The following AFAP1 variants were observed in gnomAD, a reference collection of about 807,000 sequenced individuals.
AFAP1 encodes actin filament-associated protein 1.
AFAP1 carries 75 observed loss-of-function variants against 93.9 expected under a neutral mutation model. The ratio of observed to expected loss-of-function variants is 0.80; its 90% CI spans 0.66 to 0.97. The LOEUF is 0.97. Among genes scored for constraint, AFAP1 ranks in the 50% least tolerant of loss-of-function variants. AFAP1 has a pLI of 0.00. For synonymous variants in AFAP1, 517 were observed against 430.7 expected, an observed-to-expected ratio of 1.20 and a Z score of -2.48; for missense variants, 1,201 against 1,050.8, an observed-to-expected ratio of 1.14 and a Z score of -1.98.
At chr4:7,901,022 C>T (rs192530847) in intron 1 of AFAP1, among the ~76,000 whole-genome samples, 37 of 152,280 alleles carry the variant, frequency 2.4e-4, no homozygotes, top group African/African-American at 6.7e-4. Flanking sequence ...GCGATTCCAG[C>T]GCAGATTTTA....
chr4:7,910,657 C>A (rs923041182), intron 1 of AFAP1, among the ~76,000 whole-genome samples: 3 of 152,238 alleles, frequency 2.0e-5, no homozygotes, highest in Non-Finnish European at 4.4e-5. Flanking sequence ...CCCGTTCACC[C>A]GTGCCACGAG....
chr4:7,840,147 T>C (rs573724170), intron 5 of AFAP1, among the ~76,000 whole-genome samples: 225 of 152,176 alleles, frequency 1.5e-3, no homozygotes, highest in South Asian at 8.5e-3. Context: ...CCAGCCCCAA[T>C]TGTGCACGTG....
chr4:7,915,396 G>T (rs1720033776), intron 1 of AFAP1, among the ~76,000 whole-genome samples: 1 of 151,892 alleles, frequency 6.6e-6, no homozygotes, highest in Non-Finnish European at 1.5e-5. Context: ...ACTCCAACCT[G>T]TAAGCCCAGG....
At chr4:7,805,032 G>A (rs898570606) in intron 9 of AFAP1, among the ~76,000 whole-genome samples, 2 of 152,128 alleles carry the variant, frequency 1.3e-5, no homozygotes, top group African/African-American at 4.8e-5. Flanking sequence ...GTGGCTCCTG[G>A]ACTAAGAATG....
chr4:7,858,390 TAAAG>T (rs1715306037), intron 3 of AFAP1, among the ~76,000 whole-genome samples: 2 of 152,142 alleles, frequency 1.3e-5, no homozygotes, highest in South Asian at 4.1e-4. Flanking sequence ...ATAATACTGC[TAAAG>T]AATCACTCCA....
rs774307136 is a variant in AFAP1 at position 7,774,711 on chromosome 4, C to T, written c.2062+28G>A. 3.7e-6 allele frequency: 6 copies of T among 1,610,284 alleles called. No homozygotes were observed. The South Asian group carries it at 6.6e-5, about 18-fold the overall frequency. On this transcript the variant is annotated intron_variant, in intron 15 of 17. Coordinates refer to ENST00000420658, the MANE Select transcript of AFAP1 (RefSeq NM_001134647.2). ...TCCAGTCTCTAATACAAACATGCAC[C>T]CTGGGCAGTCACCCACACCCTTCAT...
At chr4:7,874,763 A>G (rs1461612762) in intron 1 of AFAP1, among the ~76,000 whole-genome samples, 2 of 151,690 alleles carry the variant, frequency 1.3e-5, no homozygotes, top group Non-Finnish European at 1.5e-5. Context: ...GCTATCTTCT[A>G]GGCCAGATAC....
intron 1 of AFAP1, among the ~76,000 whole-genome samples, chr4:7,896,541 C>A (rs141476000): frequency 2.0e-5 from 3 of 150,222 alleles, no homozygotes; most frequent in South Asian, 4.3e-4. Flanking sequence ...TCACTCCCCC[C>A]ACACCCAGGG....
chr4:7,791,674 A>C (rs1187933224), intron 11 of AFAP1, among the ~76,000 whole-genome samples: 3 of 149,804 alleles, frequency 2.0e-5, no homozygotes, highest in African/African-American at 7.4e-5. Flanking sequence ...CAACATAATA[A>C]GACCCCGTCT....
At position 7,786,265 on chromosome 4, in the gene AFAP1, T is replaced by C. The variant is rs760976126; in HGVS notation, c.1459A>G (p.Thr487Ala). 35 of 1,613,908 alleles carry C rather than the reference T, an allele frequency of 2.2e-5. No homozygotes were observed. Residue 487 changes from threonine to alanine, a missense_variant, in exon 12 of 18, where the codon ACC becomes GCC. Coordinates refer to ENST00000420658, the MANE Select transcript of AFAP1 (RefSeq NM_001134647.2). ...VISANPYLGG[T>A]SNGYAHPSGT... ...CTGGGGTGGGCATAGCCGTTGGAGG[T>C]GCCCCCTAGATATGGGTTAGCAGAT...
At chr4:7,798,218 ACT>A (rs1560165051) in intron 10 of AFAP1, among the ~76,000 whole-genome samples, 1 of 138,106 alleles carries the variant, frequency 7.2e-6, no homozygotes, top group Non-Finnish European at 1.6e-5. Context: ...CGGCACTGCA[ACT>A]CTATTGGCTG....
chr4:7,876,205 T>C (rs1355479704), intron 1 of AFAP1, among the ~76,000 whole-genome samples: 1 of 152,220 alleles, frequency 6.6e-6, no homozygotes, highest in Non-Finnish European at 1.5e-5. Flanking sequence ...AGTGCGACCA[T>C]GAGGCCGCTG....
intron 1 of AFAP1, among the ~76,000 whole-genome samples, chr4:7,889,434 G>C (rs7691757): frequency 0.11 from 17,183 of 150,732 alleles, 1,691 homozygotes; most frequent in East Asian, 0.5. Context: ...TGTAGCCCCA[G>C]CTACTCGGGA....
chr4:7,768,481 A>G (rs1714936469), intron 17 of AFAP1, among the ~76,000 whole-genome samples: 1 of 152,120 alleles, frequency 6.6e-6, no homozygotes, highest in Non-Finnish European at 1.5e-5. Flanking sequence ...AGAATCACAC[A>G]TCTGAGTGCT....
At chr4:7,810,311 C>A (rs13132025) in intron 8 of AFAP1, among the ~76,000 whole-genome samples, 3 of 151,988 alleles carry the variant, frequency 2.0e-5, no homozygotes, top group Non-Finnish European at 4.4e-5. Context: ...GAAGAGCAGC[C>A]GGGCGGTCAG....
chr4:7,843,464 G>A, intron 4 of AFAP1, 114 bp from the exon 5 acceptor site: 8 of 978,044 alleles, frequency 8.2e-6, no homozygotes, highest in Non-Finnish European at 1.2e-5. Flanking sequence ...ATGAGAAAGG[G>A]ACCTCTGCTC....
At chr4:7,801,945 A>G (rs908157812) in intron 9 of AFAP1, among the ~76,000 whole-genome samples, 4 of 147,768 alleles carry the variant, frequency 2.7e-5, no homozygotes, top group Admixed American at 6.8e-5. Context: ...AAAAAAAACT[A>G]ATCAATTAAA....
chr4:7,906,288 T>C (rs559678698), intron 1 of AFAP1, among the ~76,000 whole-genome samples: 5 of 152,308 alleles, frequency 3.3e-5, no homozygotes, highest in Non-Finnish European at 7.4e-5. Context: ...CAACAGAAGA[T>C]ATGAAAGCTG....
At chr4:7,921,862 A>G (rs1577361601) in intron 1 of AFAP1, among the ~76,000 whole-genome samples, 1 of 152,230 alleles carries the variant, frequency 6.6e-6, no homozygotes, top group East Asian at 1.9e-4. Flanking sequence ...GCGGTGGCTC[A>G]CGCCTGTAAT....
Sources: allele counts gnomAD v4.1 joint callset (sites outside exome capture counted in the v4.1 genomes callset), GRCh38; gene constraint gnomAD v4.1.1; transcripts MANE v1.5; gene names NCBI Gene and HGNC (gene_info 2026-07-23, HGNC 2026-07-21).